The following GRIK2 variants were observed in gnomAD, a reference collection of about 807,000 sequenced individuals.
GRIK2 encodes glutamate ionotropic receptor kainate type subunit 2, also known as glutamate receptor ionotropic, kainate 2.
Under a neutral mutation model 100.3 loss-of-function variants are expected in GRIK2, and 32 were observed. That is an observed-to-expected ratio of 0.32 (90% CI 0.24 to 0.43). The LOEUF (loss-of-function observed/expected upper bound fraction) is 0.43, where lower values mean the gene tolerates loss of function less well. Ranked by LOEUF, GRIK2 falls within the 20% of genes least tolerant of loss-of-function variation. The probability of loss-of-function intolerance (pLI) is 1.00; values close to 1 mark genes in which losing one functional copy is unlikely to be tolerated. For synonymous variants in GRIK2, 417 were observed against 389.4 expected (o/e 1.07, Z -0.83); for missense variants, 843 against 1,114.9 (o/e 0.76, Z 3.47).
At chr6:101,699,252 T>C (rs759757588) in intron 7 of GRIK2, among the ~76,000 whole-genome samples, 1 of 152,094 alleles carries the variant, frequency 6.6e-6, no homozygotes, top group African/African-American at 2.4e-5. Context: ...TTGCCTTGAG[T>C]GTTGAAGGCC....
At chr6:101,933,002 G>A (rs1020538780) in intron 14 of GRIK2, among the ~76,000 whole-genome samples, 1 of 151,822 alleles carries the variant, frequency 6.6e-6, no homozygotes, top group Non-Finnish European at 1.5e-5. Context: ...AGCCACACAC[G>A]CCGTTCTTTT....
chr6:101,702,582 A>C (rs1751432554), intron 7 of GRIK2, among the ~76,000 whole-genome samples: 1 of 152,076 alleles, frequency 6.6e-6, no homozygotes, highest in Admixed American at 6.6e-5. Context: ...AAAATTTGCT[A>C]TGTCTCAAGC....
At chr6:101,621,640 A>G (rs1342995036) in intron 2 of GRIK2, among the ~76,000 whole-genome samples, 1 of 152,118 alleles carries the variant, frequency 6.6e-6, no homozygotes, top group Non-Finnish European at 1.5e-5. Flanking sequence ...TAGGCCCTAA[A>G]ATAAGTAATA....
At chr6:101,525,812 T>C (rs1775123653) in intron 2 of GRIK2, among the ~76,000 whole-genome samples, 1 of 152,174 alleles carries the variant, frequency 6.6e-6, no homozygotes, top group South Asian at 2.1e-4. Flanking sequence ...TTCTGTTACA[T>C]GAGGGAGGAT....
intron 10 of GRIK2, among the ~76,000 whole-genome samples, chr6:101,851,821 A>G (rs1784146464): frequency 6.6e-6 from 1 of 151,924 alleles, no homozygotes; most frequent in Admixed American, 6.6e-5. Flanking sequence ...TATGTAATGA[A>G]CTATTTACAA....
intron 14 of GRIK2, among the ~76,000 whole-genome samples, chr6:101,939,912 T>G (rs904345921): frequency 6.6e-6 from 1 of 152,094 alleles, no homozygotes; most frequent in African/African-American, 2.4e-5. Context: ...AACACGACCT[T>G]TTTTATGATC....
chr6:101,913,566 A>G (rs760920256), intron 12 of GRIK2, among the ~76,000 whole-genome samples: 13 of 151,556 alleles, frequency 8.6e-5, no homozygotes, highest in Admixed American at 2.6e-4. Flanking sequence ...ACATATGAAA[A>G]TGATATCAAA....
chr6:101,698,612 T>C (rs1562318513), intron 7 of GRIK2, among the ~76,000 whole-genome samples: 1 of 152,128 alleles, frequency 6.6e-6, no homozygotes, highest in Non-Finnish European at 1.5e-5. Flanking sequence ...ACCTCCTATG[T>C]ATTGCTATTC....
intron 2 of GRIK2, among the ~76,000 whole-genome samples, chr6:101,440,838 C>A (rs1405826564): frequency 6.6e-6 from 1 of 151,548 alleles, no homozygotes; most frequent in African/African-American, 2.4e-5. Context: ...CCTTTAGGAC[C>A]AAAAACTCCT....
At chr6:101,869,333 G>T (rs1785243418) in intron 11 of GRIK2, among the ~76,000 whole-genome samples, 1 of 151,950 alleles carries the variant, frequency 6.6e-6, no homozygotes, top group East Asian at 1.9e-4. Flanking sequence ...CAATTAAGAA[G>T]AATTTATTGA....
intron 2 of GRIK2, among the ~76,000 whole-genome samples, chr6:101,443,949 A>G (rs1010070758): frequency 2.0e-5 from 3 of 151,932 alleles, no homozygotes; most frequent in Non-Finnish European, 4.4e-5. Flanking sequence ...TAATGGCCCA[A>G]TTATGACTCA....
intron 11 of GRIK2, among the ~76,000 whole-genome samples, chr6:101,874,776 G>A (rs1785696316): frequency 6.6e-6 from 1 of 152,046 alleles, no homozygotes. Context: ...ATTTCGTTGG[G>A]AAGTGGTTTG....
chr6:101,786,732 G>T (rs188888502), intron 7 of GRIK2, among the ~76,000 whole-genome samples: 2 of 152,114 alleles, frequency 1.3e-5, no homozygotes, highest in African/African-American at 2.4e-5. Context: ...GTTCACCAGG[G>T]ATGTTTGCCT....
At chr6:101,615,208 G>A (rs1332465460) in intron 2 of GRIK2, among the ~76,000 whole-genome samples, 3 of 151,690 alleles carry the variant, frequency 2.0e-5, no homozygotes, top group African/African-American at 4.8e-5. Flanking sequence ...ATATAAGCTT[G>A]GAAAAAGAAT....
chr6:101,454,911 C>T (rs1770913394), intron 2 of GRIK2, among the ~76,000 whole-genome samples: 1 of 152,054 alleles, frequency 6.6e-6, no homozygotes, highest in African/African-American at 2.4e-5. Context: ...TTCACATACC[C>T]AAGTATTCAC....
intron 2 of GRIK2, among the ~76,000 whole-genome samples, chr6:101,437,849 T>C (rs1416996500): frequency 6.6e-6 from 1 of 152,102 alleles, no homozygotes; most frequent in African/African-American, 2.4e-5. Flanking sequence ...TTCCCTTATA[T>C]ACCCTTCCAA....
At chr6:101,543,871 T>A (rs1471342306) in intron 2 of GRIK2, among the ~76,000 whole-genome samples, 1 of 152,174 alleles carries the variant, frequency 6.6e-6, no homozygotes, top group Non-Finnish European at 1.5e-5. Context: ...TACAGAGAAA[T>A]GCTTAGTAAG....
intron 7 of GRIK2, among the ~76,000 whole-genome samples, chr6:101,759,102 C>T (rs149811824): frequency 0.011 from 1,740 of 152,218 alleles, 17 homozygotes; most frequent in African/African-American, 0.013. Context: ...TTTTGCATAT[C>T]AAGTAGCATA....
intron 7 of GRIK2, among the ~76,000 whole-genome samples, chr6:101,723,147 G>A (rs376923631): frequency 7.2e-5 from 11 of 152,144 alleles, no homozygotes; most frequent in East Asian, 1.9e-4. Context: ...CAGTATTGTC[G>A]TCTTCAAATG....
Sources: gnomAD v4.1 joint callset for allele counts (sites outside exome capture counted in the v4.1 genomes callset) on GRCh38, gnomAD v4.1.1 for gene constraint, MANE v1.5 for transcripts, NCBI Gene and HGNC (gene_info 2026-07-23, HGNC 2026-07-21) for gene names.